PPARGC1A: variants seen among roughly 807,000 people sequenced by gnomAD.
PPARGC1A encodes the protein peroxisome proliferator-activated receptor gamma coactivator 1-alpha.
PPARGC1A carries 25 observed loss-of-function variants against 88.7 expected under a neutral mutation model. That is an observed-to-expected ratio of 0.28 (90% confidence interval 0.21 to 0.39). The LOEUF is 0.39. Ranked by LOEUF, PPARGC1A falls within the 10% of genes least tolerant of loss-of-function variation. PPARGC1A has a pLI of 1.00. For synonymous variants in PPARGC1A, 363 were observed against 355.6 expected (o/e 1.02, Z -0.24); for missense variants, 880 against 968.7 (o/e 0.91, Z 1.22).
At chr4:24,029,800 G>A in the PPARGC1A span, among the ~76,000 whole-genome samples, 1 of 149,234 alleles carries the variant, frequency 6.7e-6, no homozygotes, top group Non-Finnish European at 1.5e-5. Context: ...AATATAATAC[G>A]ATACATCACT....
chr4:24,387,758 G>GAA, the PPARGC1A span, among the ~76,000 whole-genome samples: 33 of 62,350 alleles, frequency 5.3e-4, 1 homozygote, highest in African/African-American at 1.1e-3. Context: ...GAGAGAGAGA[G>GAA]AGAGAGAGAG....
chr4:24,204,770 G>A, the PPARGC1A span, among the ~76,000 whole-genome samples: 105 of 152,256 alleles, frequency 6.9e-4, no homozygotes, highest in Non-Finnish European at 1.0e-4. Flanking sequence ...TTCCTGTTGA[G>A]ATAGGGGGCC....
the PPARGC1A span, among the ~76,000 whole-genome samples, chr4:24,012,331 T>A: frequency 6.6e-6 from 1 of 152,146 alleles, no homozygotes; most frequent in Non-Finnish European, 1.5e-5. Context: ...AAGCCAATTG[T>A]CAAGAAGTAC....
At chr4:24,207,880 C>G in the PPARGC1A span, among the ~76,000 whole-genome samples, 1 of 152,198 alleles carries the variant, frequency 6.6e-6, no homozygotes, top group Non-Finnish European at 1.5e-5. Flanking sequence ...ACAGTCATCA[C>G]AGTCAAATCT....
chr4:23,860,375 G>T (rs990689583), intron 2 of PPARGC1A, among the ~76,000 whole-genome samples: 1 of 152,034 alleles, frequency 6.6e-6, no homozygotes, highest in Non-Finnish European at 1.5e-5. Flanking sequence ...CAATTATGTG[G>T]GATGGATATG....
chr4:24,335,380 T>G, the PPARGC1A span, among the ~76,000 whole-genome samples: 2,603 of 152,316 alleles, frequency 0.017, 70 homozygotes, highest in East Asian at 0.12. Flanking sequence ...TGCCAGCCCA[T>G]AGGTGCTTGA....
chr4:24,052,652 A>T, the PPARGC1A span, among the ~76,000 whole-genome samples: 1 of 151,136 alleles, frequency 6.6e-6, no homozygotes, highest in African/African-American at 2.4e-5. Flanking sequence ...AAAAAAAAAA[A>T]AATATTCCCT....
chr4:23,910,907 T>C, the PPARGC1A span, among the ~76,000 whole-genome samples: 1 of 152,098 alleles, frequency 6.6e-6, no homozygotes, highest in Non-Finnish European at 1.5e-5. Context: ...CACTTGAACC[T>C]GGGCAGCCTG....
chr4:24,387,408 T>C, the PPARGC1A span, among the ~76,000 whole-genome samples: 307 of 152,144 alleles, frequency 2.0e-3, 1 homozygote, highest in Admixed American at 4.7e-3. Context: ...GTAATTAAAC[T>C]AAAGAGCTTC....
the PPARGC1A span, among the ~76,000 whole-genome samples, chr4:24,022,314 C>T: frequency 2.6e-5 from 4 of 152,068 alleles, no homozygotes; most frequent in East Asian, 1.9e-4. Context: ...TGTTCTCTCC[C>T]TTCTCTCTCC....
the PPARGC1A span, among the ~76,000 whole-genome samples, chr4:24,066,081 G>GT: frequency 0.23 from 35,350 of 151,528 alleles, 4,573 homozygotes; most frequent in Admixed American, 0.35. Context: ...TTTGCCTTCC[G>GT]TCTCCTTGGG....
chr4:23,802,195 A>G (rs1718883036), intron 11 of PPARGC1A, 29 bp downstream of exon 11: 1 of 1,613,788 alleles, frequency 6.2e-7, no homozygotes, highest in Non-Finnish European at 8.5e-7. Context: ...GTCAGCTTCT[A>G]AACAAGAAAT....
At chr4:24,448,321 C>T in the PPARGC1A span, among the ~76,000 whole-genome samples, 1 of 152,198 alleles carries the variant, frequency 6.6e-6, no homozygotes, top group Non-Finnish European at 1.5e-5. Context: ...GGCCCACACT[C>T]TTCTTTGTTT....
chr4:24,058,503 C>T, the PPARGC1A span, among the ~76,000 whole-genome samples: 1 of 152,158 alleles, frequency 6.6e-6, no homozygotes, highest in African/African-American at 2.4e-5. Context: ...ATTAGAGACC[C>T]TCTTCCCACC....
intron 1 of PPARGC1A, among the ~76,000 whole-genome samples, chr4:23,897,543 G>C (rs906379919): frequency 6.6e-6 from 1 of 152,196 alleles, no homozygotes; most frequent in Non-Finnish European, 1.5e-5. Context: ...TGTCTTGACA[G>C]AGACAGACAA....
intron 3 of PPARGC1A, among the ~76,000 whole-genome samples, chr4:23,830,073 G>A (rs184982763): frequency 7.2e-5 from 11 of 152,168 alleles, no homozygotes; most frequent in East Asian, 3.9e-4. Context: ...GTGGAGTGTG[G>A]GGGGTGGGGG....
At chr4:24,150,673 A>G in the PPARGC1A span, among the ~76,000 whole-genome samples, 1 of 152,150 alleles carries the variant, frequency 6.6e-6, no homozygotes, top group Non-Finnish European at 1.5e-5. Flanking sequence ...CGATCTTTTC[A>G]GTGCCGTGGG....
chr4:24,061,193 C>T, the PPARGC1A span, among the ~76,000 whole-genome samples: 4 of 152,178 alleles, frequency 2.6e-5, no homozygotes, highest in East Asian at 7.7e-4. Flanking sequence ...AGCTCATAAA[C>T]TTCCTCTGCA....
chr4:24,283,740 C>T, the PPARGC1A span, among the ~76,000 whole-genome samples: 1 of 152,150 alleles, frequency 6.6e-6, no homozygotes, highest in Non-Finnish European at 1.5e-5. Flanking sequence ...CTGGTTCACC[C>T]ACTGACTGGC....
Sources: gnomAD v4.1 joint callset for allele counts (sites outside exome capture counted in the v4.1 genomes callset) on GRCh38, gnomAD v4.1.1 for gene constraint, MANE v1.5 for transcripts, NCBI Gene and HGNC (gene_info 2026-07-23, HGNC 2026-07-21) for gene names.